Variants in QRICH2 observed in about 807,000 individuals in gnomAD.
QRICH2 encodes glutamine-rich protein 2.
QRICH2 carries 119 observed loss-of-function variants against 168.3 expected under a neutral mutation model. That is an observed-to-expected ratio of 0.71 (90% CI 0.61 to 0.82). The LOEUF is 0.82. Among genes scored for constraint, QRICH2 ranks in the 40% least tolerant of loss-of-function variants. QRICH2 has a pLI of 0.00. For synonymous variants in QRICH2, 894 were observed against 951.2 expected, an observed-to-expected ratio of 0.94 and a Z score of 1.11; for missense variants, 2,241 against 2,491.6, an observed-to-expected ratio of 0.90 and a Z score of 2.14.
At chr17:76,277,718 AC>A (rs1490994802) in intron 15 of QRICH2, among the ~76,000 whole-genome samples, 1 of 151,712 alleles carries the variant, frequency 6.6e-6, no homozygotes, top group East Asian at 1.9e-4. Context: ...ATACTCAAAC[AC>A]CCACACTCAC....
At position 76,292,770 on chromosome 17, in the gene QRICH2, A is replaced by G. The variant is rs1435910197; in HGVS notation, c.1957T>C (p.Ser653Pro). Reference protein sequence around the residue: ...PGTGQHDLVQSGTGQGVLVQP... With the variant: ...PGTGQHDLVQPGTGQGVLVQP... Reference sequence around the variant, plus strand: ...ACCAAGACACCCTGACCTGTGCCAGATTGGACCAAATCATGCTGACCTGTG... The same window carrying G: ...ACCAAGACACCCTGACCTGTGCCAGGTTGGACCAAATCATGCTGACCTGTG... Residue 653 changes from serine to proline, a missense_variant, in exon 4 of 19, where the codon TCT (serine) becomes CCT (proline). Physicochemically the swap from Ser to Pro is moderately conservative, Grantham distance 74 (BLOSUM62 -1). This residue lies in a region of QRICH2 where 2,047 missense variants were observed against 2,303.8 expected (regional missense o/e 0.89). Coordinates refer to ENST00000680821, the MANE Select transcript of QRICH2 (RefSeq NM_001388453.1). The G allele has an allele frequency of 3.1e-6, 5 of 1,612,626 alleles. No homozygotes were observed. The highest frequency in any genetic ancestry group is 4.2e-6 in the Non-Finnish European group (5 of 1,179,744).
intron 3 of QRICH2, among the ~76,000 whole-genome samples, chr17:76,300,105 C>T (rs1472114037): frequency 1.3e-5 from 2 of 152,194 alleles, no homozygotes; most frequent in South Asian, 2.1e-4. Flanking sequence ...GCTGGAATTA[C>T]AGGCGTGAGC....
At position 76,275,910 on chromosome 17, in the gene QRICH2, C is replaced by A; in HGVS notation, c.5391G>T (p.Arg1797Ser). 1 of 1,608,930 alleles carries A rather than the reference C, an allele frequency of 6.2e-7. No individual in the cohort carries two copies. The highest frequency in any genetic ancestry group is 8.5e-7 in the Non-Finnish European group (1 of 1,179,928). ...GGGATGGCGGCCTGTGCACGTGGGG[C>A]CTGGGCTGCTGGGACTTGCGCTTTG... ...GTSKRKSQQP[R>S]PHVHRPPSLS... Residue 1797 changes from arginine to serine, a missense_variant, in exon 18 of 19, where the codon AGG (arginine) becomes AGT (serine). By Grantham distance (110) the Arg-to-Ser change is moderately radical. This residue lies in a region of QRICH2 where 189 missense variants were observed against 169.3 expected (regional missense o/e 1.12). Coordinates refer to ENST00000680821, the MANE Select transcript of QRICH2 (RefSeq NM_001388453.1).
rs769418878 is a variant in QRICH2, at chr17:76,274,098, C to T, written c.5645G>A (p.Arg1882Gln). Reference sequence around the variant, plus strand: ...CTCCGCTCACTGAGCGGTGCTGGACCGCGGCCCCCGCGTGGGCTCCTCGAG... The same window carrying T: ...CTCCGCTCACTGAGCGGTGCTGGACTGCGGCCCCCGCGTGGGCTCCTCGAG... ...EGLEEPTRGP[R>Q]SSTAQ Residue 1882 changes from arginine to glutamine, a missense_variant, in exon 19 of 19, where the codon CGG becomes CAG. Around this residue, in one of 3 missense-constraint regions of QRICH2, gnomAD observed 189 missense variants for 169.3 expected, o/e 1.12. Transcript: ENST00000680821. 7 of 1,579,620 alleles carry T rather than the reference C, an allele frequency of 4.4e-6. No homozygotes were observed. Among genetic ancestry groups the T allele is most frequent in the East Asian group, 4.8e-5 (2 of 41,656 alleles).
chr17:76,308,539 G>A (rs920965984), upstream of QRICH2: 123 of 971,310 alleles, frequency 1.3e-4, no homozygotes, highest in African/African-American at 1.8e-4. Context: ...CATCAGCTGC[G>A]TCCATTCCAG....
At chr17:76,288,157 G>C (rs2070924287) in intron 5 of QRICH2, among the ~76,000 whole-genome samples, 1 of 151,976 alleles carries the variant, frequency 6.6e-6, no homozygotes, top group African/African-American at 2.4e-5. Context: ...GCCGAGGCGG[G>C]TGGATCACCT....
chr17:76,310,155 CCCGG>C (rs1469924424), upstream of QRICH2: 6 of 151,894 alleles, frequency 4.0e-5, no homozygotes, highest in African/African-American at 1.5e-4. Flanking sequence ...TCCCCCAACA[CCCGG>C]CTAATTTTTG....
intron 4 of QRICH2, 77 bp from the exon 5 acceptor site, chr17:76,290,154 A>C: frequency 9.5e-7 from 1 of 1,049,914 alleles, no homozygotes; most frequent in Non-Finnish European, 1.5e-6. Flanking sequence ...CAGCCCCTGT[A>C]ACACTGAAGC....
intron 6 of QRICH2, 115 bp from the exon 7 acceptor site, chr17:76,287,421 AC>A (rs1598486675): frequency 5.4e-6 from 4 of 734,312 alleles, no homozygotes; most frequent in South Asian, 1.6e-5. Context: ...CTCACCCTCC[AC>A]CCCCCTCCAA....
Position 76,278,128 on chromosome 17 carries a change from G to A in QRICH2, c.4978C>T (p.Arg1660Cys), listed in dbSNP as rs764916939. The change falls in exon 15 of 19, where the codon CGC becomes TGC. Residue 1660 changes from arginine (R) to cysteine (C), a missense_variant. By Grantham distance (180) the Arg-to-Cys change is radical (BLOSUM62 -3). This residue lies in a region of QRICH2 where 2,047 missense variants were observed against 2,303.8 expected (regional missense o/e 0.89). Transcript: ENST00000680821. The stretch of plus-strand genomic sequence containing the variant: ...ATCTTGGAGTGCATGGAGCGCAGGC[G>A]CCCCACGCTCTGCTCCATCTGCGCC... ...DLAQMEQSVG[R>C]LRSMHSKMLM... 1.4e-5 allele frequency: 23 copies of A among 1,612,796 alleles called. No homozygotes were observed. The highest frequency in any genetic ancestry group is 2.2e-5 in the East Asian group (1 of 44,894).
At chr17:76,305,972 C>T (rs886863933) in intron 1 of QRICH2, among the ~76,000 whole-genome samples, 14 of 151,410 alleles carry the variant, frequency 9.2e-5, no homozygotes, top group African/African-American at 3.4e-4. Context: ...GAGTTCGAGA[C>T]CAGCCTGGCC....
In QRICH2 at chr17:76,291,158, A is replaced by G; in HGVS notation, c.3569T>C (p.Phe1190Ser). 6.2e-7 allele frequency: 1 copy of G among 1,614,144 alleles called. No homozygotes were observed. Among genetic ancestry groups the G allele is most frequent in the South Asian group, 1.1e-5 (1 of 91,080 alleles). ...RNSLRRMSSSFPTAVETFHLM... is the reference protein window; with the variant it reads ...RNSLRRMSSSSPTAVETFHLM... ...ATGAAATGTCTCCACTGCCGTGGGG[A>G]AACTAGAACTCATTCTACGCAGTGA... is the stretch of plus-strand genomic sequence containing the variant. The change falls in exon 4 of 19, where the codon TTC becomes TCC. Residue 1190 changes from phenylalanine to serine, a missense_variant. This residue lies in a region of QRICH2 where 2,047 missense variants were observed against 2,303.8 expected (regional missense o/e 0.89). Transcript: ENST00000680821.
At position 76,278,014 on chromosome 17, in the gene QRICH2, A is replaced by C; in HGVS notation, c.5092T>G (p.Cys1698Gly). ...CGTTTGTAGCAGGGGGAGCCCAGGC[A>C]CTGGGCGTGCAGCAGCTCGCGGATT... ...QIIRELLHAQ[C>G]LGSPCYKRVT... The change falls in exon 15 of 19, where the codon TGC becomes GGC. Residue 1698 changes from cysteine to glycine, a missense_variant. By Grantham distance (159) the Cys-to-Gly change is radical (BLOSUM62 -3). This residue lies in a region of QRICH2 where 2,047 missense variants were observed against 2,303.8 expected (regional missense o/e 0.89). Coordinates refer to ENST00000680821, the MANE Select transcript of QRICH2 (RefSeq NM_001388453.1). 6.2e-7 allele frequency: 1 copy of C among 1,612,998 alleles called. No individual in the cohort carries two copies. Among genetic ancestry groups the C allele is most frequent in the Non-Finnish European group, 8.5e-7 (1 of 1,180,030 alleles).
At position 76,293,241 on chromosome 17, in the gene QRICH2, C is replaced by T. The variant is rs1347264579; in HGVS notation, c.1486G>A (p.Val496Ile). Residue 496 changes from valine (V) to isoleucine (I), a missense_variant, in exon 4 of 19, where the codon GTA (valine) becomes ATA (isoleucine). By Grantham distance (29) the Val-to-Ile change is conservative. Transcript: ENST00000680821. The part of the protein sequence containing the change: ...EPLGMDQRGC[V>I]ISGMGQQGLV... ...CCTTGCTGACCCATGCCTGATATTA[C>T]ACATCCACGCTGATCCATGCCAAGT... 1 of 1,614,080 alleles carries T rather than the reference C, an allele frequency of 6.2e-7. No individual in the cohort carries two copies. Among genetic ancestry groups the T allele is most frequent in the Non-Finnish European group, 8.5e-7 (1 of 1,180,040 alleles).
chr17:76,305,891 C>A (rs910208367), intron 1 of QRICH2, among the ~76,000 whole-genome samples: 14 of 151,982 alleles, frequency 9.2e-5, no homozygotes, highest in Admixed American at 7.2e-4. Context: ...AACAAAAGGC[C>A]AGGCGCAGTG....
Position 76,280,242 on chromosome 17 carries a change from G to T in QRICH2, c.4626+45C>A. The T allele has an allele frequency of 6.2e-7, 1 of 1,611,036 alleles. No homozygotes were observed. The highest frequency in any genetic ancestry group is 8.5e-7 in the Non-Finnish European group (1 of 1,178,200). Reference sequence around the variant, plus strand: ...GAAGGTGGTGCTGTCCCGATCCTGGGGGCAAGGCTGTGGGATGGAGAGCCC... The same window carrying T: ...GAAGGTGGTGCTGTCCCGATCCTGGTGGCAAGGCTGTGGGATGGAGAGCCC... On this transcript the variant is annotated intron_variant, in intron 11 of 18. Transcript: ENST00000680821. This position sits in a 1 kb window ranked among gnomAD's most constrained non-coding sequence, Gnocchi z 7.4.
At chr17:76,279,672 G>A (rs556681734) in intron 12 of QRICH2, among the ~76,000 whole-genome samples, 2 of 152,138 alleles carry the variant, frequency 1.3e-5, no homozygotes, top group African/African-American at 2.4e-5. Context: ...GCCCCCTGGC[G>A]GCCACGAATG....
intron 7 of QRICH2, among the ~76,000 whole-genome samples, chr17:76,286,212 A>C (rs988551340): frequency 4.6e-5 from 7 of 152,176 alleles, no homozygotes; most frequent in African/African-American, 1.7e-4. Context: ...GCATAGCAGC[A>C]TTATTCATAA....
At position 76,292,788 on chromosome 17, in the gene QRICH2, G is replaced by T. The variant is rs1598494104; in HGVS notation, c.1939C>A (p.Gln647Lys). The change falls in exon 4 of 19, where the codon CAG (glutamine) becomes AAG (lysine). Residue 647 changes from glutamine to lysine, a missense_variant. Gln to Lys is a moderately conservative substitution (Grantham distance 53). Coordinates refer to ENST00000680821, the MANE Select transcript of QRICH2 (RefSeq NM_001388453.1). ...GTGCCAGATTGGACCAAATCATGCT[G>T]ACCTGTGCCAGGCTGGATCAAACCA... ...QHGLIQPGTGQHDLVQSGTGQ... is the reference protein window; with the variant it reads ...QHGLIQPGTGKHDLVQSGTGQ... The T allele has an allele frequency of 6.2e-7, 1 of 1,613,854 alleles. No homozygotes were observed. Among genetic ancestry groups the T allele is most frequent in the East Asian group, 2.2e-5 (1 of 44,876 alleles).
Sources: allele counts gnomAD v4.1 joint callset (sites outside exome capture counted in the v4.1 genomes callset), GRCh38; gene constraint gnomAD v4.1.1; regional missense constraint gnomAD v4.1.1; non-coding constraint Gnocchi (gnomAD v3.1); transcripts MANE v1.5; gene names NCBI Gene and HGNC (gene_info 2026-07-23, HGNC 2026-07-21).